Variants in PAPPA2 observed in about 807,000 individuals in gnomAD.
PAPPA2 encodes pappalysin-2.
PAPPA2 carries 86 observed loss-of-function variants against 176.4 expected under a neutral mutation model. The ratio of observed to expected loss-of-function variants is 0.49; its 90% CI spans 0.41 to 0.58. PAPPA2 has a LOEUF of 0.58. Ranked by LOEUF, PAPPA2 falls within the 20% of genes least tolerant of loss-of-function variation. The probability of loss-of-function intolerance (pLI) is 0.00; values close to 1 mark genes in which losing one functional copy is unlikely to be tolerated. For missense variants in PAPPA2, 2,073 were observed against 2,256.9 expected, an observed-to-expected ratio of 0.92 and a Z score of 1.65; for synonymous variants, 809 against 852.2, an observed-to-expected ratio of 0.95 and a Z score of 0.88.
intron 2 of PAPPA2, among the ~76,000 whole-genome samples, chr1:176,590,768 T>C (rs1190745283): frequency 1.3e-5 from 2 of 152,150 alleles, no homozygotes; most frequent in Non-Finnish European, 2.9e-5. Flanking sequence ...TAGAATGTAA[T>C]TTCTGGCTGA....
chr1:176,580,952 TC>T (rs1332395956), intron 2 of PAPPA2, among the ~76,000 whole-genome samples: 1 of 152,234 alleles, frequency 6.6e-6, no homozygotes, highest in Non-Finnish European at 1.5e-5. Context: ...TTCAGTTGTT[TC>T]TTTTGCTGTG....
At chr1:176,607,088 C>T (rs2102671564) in intron 3 of PAPPA2, among the ~76,000 whole-genome samples, 1 of 151,622 alleles carries the variant, frequency 6.6e-6, no homozygotes, top group South Asian at 2.1e-4. Flanking sequence ...TTTATTGATA[C>T]CTAACATTTT....
chr1:176,556,632 G>A lies in PAPPA2; in HGVS notation c.310G>A (p.Val104Met), dbSNP rs2102590522. 1 of 1,614,218 alleles carries A rather than the reference G, an allele frequency of 6.2e-7. No homozygotes were observed. The change falls in exon 2 of 23, where the codon GTG becomes ATG. Residue 104 changes from valine to methionine, a missense_variant. Physicochemically the swap from Val to Met is conservative, Grantham distance 21. Around this residue, in one of 4 missense-constraint regions of PAPPA2, gnomAD observed 1,196 missense variants for 1,330.4 expected, o/e 0.90. Coordinates refer to ENST00000367662, the MANE Select transcript of PAPPA2 (RefSeq NM_020318.3). ...CAAACCAGACACTGAAGGAAATGCT[G>A]TGAGCCTTGTTCCCCCAGACCTGAC... ...RSKPDTEGNA[V>M]SLVPPDLTEN...
chr1:176,628,224 T>C (rs1365515775), intron 3 of PAPPA2, among the ~76,000 whole-genome samples: 2 of 152,074 alleles, frequency 1.3e-5, no homozygotes, highest in Non-Finnish European at 2.9e-5. Flanking sequence ...GGCAGGAGGG[T>C]TCAGAATGTA....
intron 3 of PAPPA2, among the ~76,000 whole-genome samples, chr1:176,665,175 A>AGCTC (rs1658570515): frequency 6.6e-6 from 1 of 152,192 alleles, no homozygotes; most frequent in African/African-American, 2.4e-5. Flanking sequence ...GGCATGAATG[A>AGCTC]GCTCATACTA....
At chr1:176,756,008 T>C (rs1341075933) in intron 14 of PAPPA2, among the ~76,000 whole-genome samples, 10 of 152,226 alleles carry the variant, frequency 6.6e-5, no homozygotes, top group African/African-American at 2.4e-4. Context: ...GTTGCCCAGG[T>C]TGGAGTGCAG....
intron 1 of PAPPA2, among the ~76,000 whole-genome samples, chr1:176,490,496 G>A (rs1434482976): frequency 1.3e-5 from 2 of 152,066 alleles, no homozygotes; most frequent in African/African-American, 4.8e-5. Context: ...GCTTATATTT[G>A]TGATACAAAT....
chr1:176,488,323 A>G (rs1477466968), intron 1 of PAPPA2, among the ~76,000 whole-genome samples: 2 of 152,174 alleles, frequency 1.3e-5, no homozygotes, highest in Admixed American at 1.3e-4. Context: ...TTTTACATCT[A>G]TCTATCATCT....
intron 10 of PAPPA2, among the ~76,000 whole-genome samples, chr1:176,707,173 T>A (rs1001967279): frequency 2.6e-5 from 4 of 152,204 alleles, no homozygotes; most frequent in African/African-American, 9.6e-5. Context: ...TAACCACACA[T>A]TGAAGTTTTT....
intron 3 of PAPPA2, among the ~76,000 whole-genome samples, chr1:176,623,610 C>CTTTCTTT (rs1558479000): frequency 1.4e-3 from 131 of 95,454 alleles, no homozygotes; most frequent in Middle Eastern, 5.9e-3. Flanking sequence ...TTCCTTCCTT[C>CTTTCTTT]CTTCCTTCCT....
At chr1:176,816,406 T>C (rs1175805833) in intron 21 of PAPPA2, among the ~76,000 whole-genome samples, 1 of 146,266 alleles carries the variant, frequency 6.8e-6, no homozygotes, top group East Asian at 2.0e-4. Context: ...CACACACGCA[T>C]ACACACTCCT....
At chr1:176,554,935 T>G (rs1651177961) in intron 1 of PAPPA2, among the ~76,000 whole-genome samples, 1 of 151,944 alleles carries the variant, frequency 6.6e-6, no homozygotes, top group South Asian at 2.1e-4. Context: ...AAGGTTAGTG[T>G]GGGCTTATTA....
intron 17 of PAPPA2, among the ~76,000 whole-genome samples, chr1:176,779,408 G>A (rs1283384708): frequency 1.3e-5 from 2 of 151,824 alleles, no homozygotes; most frequent in East Asian, 3.9e-4. Context: ...GGGATTCTGG[G>A]TGGGACAGAA....
rs1280646203 is a variant in PAPPA2, at chr1:176,843,636, T to G, written c.*1182T>G. On this transcript the variant is annotated 3_prime_UTR_variant, in exon 23 of 23. Coordinates refer to ENST00000367662, the MANE Select transcript of PAPPA2 (RefSeq NM_020318.3). Reference sequence around the variant, plus strand: ...CCAGTCACATGACCAAGTGTTGATTTTTCTGGAGGAAAAATTTTATGGAAA... The same window carrying G: ...CCAGTCACATGACCAAGTGTTGATTGTTCTGGAGGAAAAATTTTATGGAAA... 2 of 152,132 alleles carry G rather than the reference T, an allele frequency of 1.3e-5. No individual in the cohort carries two copies. Among genetic ancestry groups the G allele is most frequent in the African/African-American group, 4.8e-5 (2 of 41,426 alleles). 9.4% of individuals were successfully genotyped at this position (152,132 alleles called of 1,614,324 possible).
chr1:176,660,173 C>T (rs1388023798), intron 3 of PAPPA2, among the ~76,000 whole-genome samples: 3 of 152,050 alleles, frequency 2.0e-5, no homozygotes, highest in African/African-American at 7.2e-5. Context: ...CTATTCATGG[C>T]AGTACATAGT....
chr1:176,488,100 G>A (rs1031777238), intron 1 of PAPPA2, among the ~76,000 whole-genome samples: 14 of 152,140 alleles, frequency 9.2e-5, no homozygotes, highest in Non-Finnish European at 5.9e-5. Flanking sequence ...TGTTTCTCTA[G>A]CTGTTCTGCG....
intron 21 of PAPPA2, among the ~76,000 whole-genome samples, chr1:176,807,481 T>TTTTC (rs200813575): frequency 2.6e-5 from 4 of 151,816 alleles, no homozygotes; most frequent in Non-Finnish European, 4.4e-5. Flanking sequence ...AAGTTTGATA[T>TTTTC]TTTCTTTCTT....
At chr1:176,759,606 G>A (rs1163241385) in intron 14 of PAPPA2, among the ~76,000 whole-genome samples, 1 of 152,218 alleles carries the variant, frequency 6.6e-6, no homozygotes, top group African/African-American at 2.4e-5. Flanking sequence ...CAGGGCAGCT[G>A]TAGGCAGAAT....
chr1:176,757,736 T>C (rs983094599), intron 14 of PAPPA2, among the ~76,000 whole-genome samples: 11 of 152,236 alleles, frequency 7.2e-5, no homozygotes, highest in Admixed American at 1.3e-4. Flanking sequence ...TTTTGGCTTT[T>C]GTTGCCATTG....
Sources: allele counts gnomAD v4.1 joint callset (sites outside exome capture counted in the v4.1 genomes callset), GRCh38; gene constraint gnomAD v4.1.1; regional missense constraint gnomAD v4.1.1; transcripts MANE v1.5; gene names NCBI Gene and HGNC (gene_info 2026-07-23, HGNC 2026-07-21).